The following SHANK2 variants were observed in gnomAD, a reference collection of about 807,000 sequenced individuals.
The protein encoded by SHANK2 is SH3 and multiple ankyrin repeat domains 2, also known as SH3 and multiple ankyrin repeat domains protein 2.
A neutral mutation model predicts 133.7 loss-of-function variants in SHANK2; 43 were observed. The ratio of observed to expected loss-of-function variants is 0.32; its 90% CI spans 0.25 to 0.41. The LOEUF is 0.41. Ranked by LOEUF, SHANK2 falls within the 10% of genes least tolerant of loss-of-function variation. SHANK2 has a pLI of 1.00. For missense variants in SHANK2, 1,994 were observed against 2,235.8 expected (o/e 0.89, Z 2.18); for synonymous variants, 1,017 against 952.8 (o/e 1.07, Z -1.24).
At chr11:71,154,612 C>A (rs1198818934) in intron 2 of SHANK2, among the ~76,000 whole-genome samples, 1 of 152,226 alleles carries the variant, frequency 6.6e-6, no homozygotes, top group Non-Finnish European at 1.5e-5. Context: ...CAAAAGCAGA[C>A]CTTCTGACAC....
intron 10 of SHANK2, among the ~76,000 whole-genome samples, chr11:70,903,806 G>T (rs1304975103): frequency 6.6e-6 from 1 of 152,206 alleles, no homozygotes; most frequent in African/African-American, 2.4e-5. Context: ...TGCAGTACCA[G>T]GAGAAGGTGC....
At chr11:70,688,976 T>A (rs1240705136) in intron 15 of SHANK2, among the ~76,000 whole-genome samples, 1 of 152,244 alleles carries the variant, frequency 6.6e-6, no homozygotes, top group Non-Finnish European at 1.5e-5. Context: ...GCTTAGAACT[T>A]CTGGTGGGAG....
chr11:70,756,011 C>A (rs558650977), intron 14 of SHANK2, among the ~76,000 whole-genome samples: 1 of 152,170 alleles, frequency 6.6e-6, no homozygotes, highest in Non-Finnish European at 1.5e-5. Context: ...ACCCCACTGA[C>A]GTCCTGGGGC....
At chr11:70,893,377 G>A (rs1172625874) in intron 11 of SHANK2, among the ~76,000 whole-genome samples, 1 of 152,240 alleles carries the variant, frequency 6.6e-6, no homozygotes, top group Non-Finnish European at 1.5e-5. Context: ...GATGCAAAGT[G>A]GGGGTGACCA....
chr11:70,865,984 C>G (rs1188134535), intron 11 of SHANK2, among the ~76,000 whole-genome samples: 1 of 152,178 alleles, frequency 6.6e-6, no homozygotes, highest in Non-Finnish European at 1.5e-5. Flanking sequence ...CTCCCCTGGG[C>G]CCTCTCCTCC....
chr11:70,481,284 C>A (rs553953289), intron 25 of SHANK2, among the ~76,000 whole-genome samples: 47 of 152,306 alleles, frequency 3.1e-4, no homozygotes, highest in Non-Finnish European at 6.2e-4. Flanking sequence ...AATTAAGACG[C>A]CTGCAAATTC....
At chr11:70,507,912 A>G (rs1554968678) in intron 17 of SHANK2, among the ~76,000 whole-genome samples, 1 of 152,252 alleles carries the variant, frequency 6.6e-6, no homozygotes, top group Non-Finnish European at 1.5e-5. Flanking sequence ...GGAACCCGCA[A>G]GAGCGGGGCT....
In SHANK2 at chr11:71,188,469, G is replaced by A. The variant is rs1278149443; in HGVS notation, c.-13+36228C>T. On this transcript the variant is annotated intron_variant, in intron 2 of 25. Transcript: ENST00000601538. The surrounding 1 kb of genome is among the most constrained non-coding windows in gnomAD (Gnocchi z 4.6). ...CCCTCCCTCTGGGGAGAAGGACTTC[G>A]GCGCAAGGGAACAGGAAAACACTGC... Among the ~76,000 whole-genome samples the A allele has an allele frequency of 1.3e-4, 20 of 152,172 alleles. No homozygotes were observed. Among genetic ancestry groups the A allele is most frequent in the African/African-American group, 4.8e-4 (20 of 41,430 alleles).
At chr11:71,096,959 T>C (rs1951625777) in intron 6 of SHANK2, among the ~76,000 whole-genome samples, 1 of 152,132 alleles carries the variant, frequency 6.6e-6, no homozygotes, top group South Asian at 2.1e-4. Flanking sequence ...CCAAACCACA[T>C]CCTGTTGGTC....
chr11:70,681,464 G>A (rs1945027876), intron 15 of SHANK2, among the ~76,000 whole-genome samples: 1 of 152,086 alleles, frequency 6.6e-6, no homozygotes, highest in Non-Finnish European at 1.5e-5. Flanking sequence ...TGGGCCCCCT[G>A]GGGTATCTCC....
chr11:70,952,236 C>T (rs1320874648), intron 10 of SHANK2, among the ~76,000 whole-genome samples: 1 of 152,166 alleles, frequency 6.6e-6, no homozygotes, highest in Non-Finnish European at 1.5e-5. Flanking sequence ...TTCCTTGGGG[C>T]GTCTCTCCTG....
Position 70,500,868 on chromosome 11 carries a change from C to A in SHANK2, c.2288-278G>T. The A allele has an allele frequency of 1.5e-6, 1 of 681,376 alleles. No homozygotes were observed. Among genetic ancestry groups the A allele is most frequent in the South Asian group, 1.5e-5 (1 of 65,238 alleles). 42.2% of individuals were successfully genotyped at this position (681,376 alleles called of 1,614,324 possible). A position where few individuals can be genotyped will look rare whatever the true frequency, so the allele number is the denominator to read the frequency against. On this transcript the variant is annotated intron_variant, in intron 20 of 25. Coordinates refer to ENST00000601538, the MANE Select transcript of SHANK2 (RefSeq NM_012309.5). This position sits in a 1 kb window ranked among gnomAD's most constrained non-coding sequence, Gnocchi z 4.5. ...GGGCTTTCCTTCTTCCTCAGCACCC[C>A]TTGTCCCACCAGCACCCTGCCAAAG...
rs372247815 is a variant in SHANK2 at position 70,471,480 on chromosome 11, G to C, written c.*1389C>G. ...GGTGGAGGGACTCCGGGGAAAGAAAGGGGCGGGGCTCAAGAAAGCCTTGCC... is the reference window on the plus strand; with the variant it reads ...GGTGGAGGGACTCCGGGGAAAGAAACGGGCGGGGCTCAAGAAAGCCTTGCC... On this transcript the variant is annotated 3_prime_UTR_variant, in exon 26 of 26. Transcript: ENST00000601538. The surrounding 1 kb of genome is among the most constrained non-coding windows in gnomAD (Gnocchi z 4.1). 6.1e-4 allele frequency: 244 copies of C among 398,580 alleles called. 2 individuals are homozygous for C. Among genetic ancestry groups the C allele is most frequent in the African/African-American group, 4.8e-3 (235 of 48,722 alleles). The allele number at this position is 398,580 out of a possible 1,614,324, so 24.7% of individuals were successfully genotyped here.
intron 15 of SHANK2, among the ~76,000 whole-genome samples, chr11:70,665,367 C>T (rs1322889811): frequency 1.4e-5 from 2 of 144,830 alleles, no homozygotes; most frequent in African/African-American, 2.6e-5. Context: ...TCTTAAACTC[C>T]TGGCCTCAAG....
At chr11:70,866,144 C>A (rs1949354179) in intron 11 of SHANK2, among the ~76,000 whole-genome samples, 1 of 152,174 alleles carries the variant, frequency 6.6e-6, no homozygotes, top group Non-Finnish European at 1.5e-5. Flanking sequence ...TAGACTCTCA[C>A]CCCCAGGCCA....
intron 14 of SHANK2, among the ~76,000 whole-genome samples, chr11:70,771,420 C>T (rs1175826863): frequency 1.3e-5 from 2 of 152,166 alleles, no homozygotes; most frequent in Non-Finnish European, 2.9e-5. Flanking sequence ...AGGGCAGTGG[C>T]ATCTGGATGG....
At chr11:71,112,567 A>G (rs1001013076) in intron 5 of SHANK2, among the ~76,000 whole-genome samples, 2 of 151,780 alleles carry the variant, frequency 1.3e-5, no homozygotes, top group African/African-American at 4.8e-5. Flanking sequence ...AGCTGCCCGG[A>G]CTCTCCACCC....
rs138889314 is a variant in SHANK2 at position 70,924,174 on chromosome 11, C to G, written c.1108-27607G>C. On this transcript the variant is annotated intron_variant, in intron 10 of 25. Coordinates refer to ENST00000601538, the MANE Select transcript of SHANK2 (RefSeq NM_012309.5). ...TCCCTCCTGCCACACTCCCCACCAC[C>G]CTGCACCGTTACCAGAGTCCCCAGG... is the stretch of plus-strand genomic sequence containing the variant. Among the ~76,000 whole-genome samples the G allele has an allele frequency of 3.8e-3, 586 of 152,308 alleles. 18 individuals are homozygous for G. The highest frequency in any genetic ancestry group is 0.033 in the Admixed American group (505 of 15,300).
At chr11:70,775,113 T>C (rs1947333377) in intron 14 of SHANK2, among the ~76,000 whole-genome samples, 1 of 152,104 alleles carries the variant, frequency 6.6e-6, no homozygotes, top group Non-Finnish European at 1.5e-5. Context: ...GAGCTATGAT[T>C]GCACCACCGC....
Sources: allele counts gnomAD v4.1 joint callset (sites outside exome capture counted in the v4.1 genomes callset), GRCh38; gene constraint gnomAD v4.1.1; non-coding constraint Gnocchi (gnomAD v3.1); transcripts MANE v1.5; gene names NCBI Gene and HGNC (gene_info 2026-07-23, HGNC 2026-07-21).